WWOX: variants seen among roughly 807,000 people sequenced by gnomAD.
WWOX encodes the protein WW domain-containing oxidoreductase.
In WWOX, 69 loss-of-function variants were observed where a neutral mutation model predicts 46.2. That is an observed-to-expected ratio of 1.49 (90% CI 1.23 to 1.82). The LOEUF (loss-of-function observed/expected upper bound fraction) is 1.82, where lower values mean the gene tolerates loss of function less well. WWOX is among the 40% of genes most tolerant of loss of function. The probability of loss-of-function intolerance (pLI) is 0.00; values close to 1 mark genes in which losing one functional copy is unlikely to be tolerated. For synonymous variants in WWOX, 359 were observed against 202.6 expected, an observed-to-expected ratio of 1.77 and a Z score of -6.56; for missense variants, 919 against 542.6, an observed-to-expected ratio of 1.69 and a Z score of -6.89.
At chr16:78,684,054 AG>A (rs1207097102) in intron 8 of WWOX, among the ~76,000 whole-genome samples, 1 of 152,038 alleles carries the variant, frequency 6.6e-6, no homozygotes, top group Non-Finnish European at 1.5e-5. Context: ...TCTCCCTCAC[AG>A]TTTTGGCTCG....
chr16:78,166,624 T>A (rs557016495), intron 5 of WWOX: 1 of 151,988 alleles, frequency 6.6e-6, no homozygotes, highest in East Asian at 1.9e-4. Context: ...AGTGGCACAA[T>A]CTCGACTCAC....
chr16:78,954,666 G>A (rs1464415302), intron 8 of WWOX, among the ~76,000 whole-genome samples: 3 of 152,252 alleles, frequency 2.0e-5, no homozygotes, highest in African/African-American at 7.2e-5. Flanking sequence ...TAGAAGCATA[G>A]GCACATAAAT....
intron 4 of WWOX, among the ~76,000 whole-genome samples, chr16:78,136,724 A>G (rs2033802938): frequency 6.6e-6 from 1 of 152,200 alleles, no homozygotes; most frequent in African/African-American, 2.4e-5. Context: ...TCCCTTTCCC[A>G]AGTTACTACC....
At chr16:78,959,187 G>A (rs555170863) in intron 8 of WWOX, among the ~76,000 whole-genome samples, 8 of 152,270 alleles carry the variant, frequency 5.3e-5, no homozygotes, top group African/African-American at 1.7e-4. Context: ...CCATCTCTAC[G>A]TCAAGGTTCT....
At chr16:78,796,826 TC>T in intron 8 of WWOX, among the ~76,000 whole-genome samples, 2 of 125,378 alleles carry the variant, frequency 1.6e-5, no homozygotes, top group African/African-American at 3.2e-5. Flanking sequence ...TTTATCTTCT[TC>T]TTTTTTTTTT....
At chr16:78,434,786 C>T (rs1222598354) in intron 8 of WWOX, among the ~76,000 whole-genome samples, 1 of 152,086 alleles carries the variant, frequency 6.6e-6, no homozygotes, top group Non-Finnish European at 1.5e-5. Context: ...ATATAACCAT[C>T]CTGCCATTTG....
At chr16:78,494,525 A>G (rs1213592555) in intron 8 of WWOX, among the ~76,000 whole-genome samples, 1 of 152,186 alleles carries the variant, frequency 6.6e-6, no homozygotes, top group Non-Finnish European at 1.5e-5. Context: ...GGCAACAAAT[A>G]AAACTTCTGT....
chr16:78,397,373 T>A (rs886174581), intron 6 of WWOX, among the ~76,000 whole-genome samples: 3 of 152,206 alleles, frequency 2.0e-5, no homozygotes, highest in African/African-American at 4.8e-5. Flanking sequence ...TTTATCCTTA[T>A]AATGACTCTA....
At chr16:78,867,502 GTGTGTGTGTA>G (rs1443010116) in intron 8 of WWOX, among the ~76,000 whole-genome samples, 2 of 151,494 alleles carry the variant, frequency 1.3e-5, no homozygotes, top group Non-Finnish European at 2.9e-5. Context: ...GTGTGTGTGT[GTGTGTGTGTA>G]TGTGTGTGTG....
At chr16:78,980,504 T>C (rs773517665) in intron 8 of WWOX, among the ~76,000 whole-genome samples, 8 of 152,242 alleles carry the variant, frequency 5.3e-5, no homozygotes, top group Non-Finnish European at 5.9e-5. Context: ...ATTGACTGCC[T>C]GGCAATCCAG....
intron 8 of WWOX, among the ~76,000 whole-genome samples, chr16:78,982,985 G>A (rs570778900): frequency 6.6e-6 from 1 of 152,304 alleles, no homozygotes; most frequent in East Asian, 1.9e-4. Flanking sequence ...CTTTGGGGCT[G>A]TGGTTTCCTT....
chr16:78,415,341 G>T (rs1355422888), intron 6 of WWOX, among the ~76,000 whole-genome samples: 1 of 151,988 alleles, frequency 6.6e-6, no homozygotes, highest in East Asian at 1.9e-4. Context: ...ACCAAATGTC[G>T]TTGCCATCTT....
chr16:78,933,265 C>G (rs559727210), intron 8 of WWOX, among the ~76,000 whole-genome samples: 8 of 152,284 alleles, frequency 5.3e-5, no homozygotes, highest in Non-Finnish European at 1.0e-4. Context: ...TTGGCAAAAC[C>G]CAGTGTCTAC....
intron 8 of WWOX, among the ~76,000 whole-genome samples, chr16:78,538,849 T>A (rs1235924185): frequency 6.6e-6 from 1 of 152,248 alleles, no homozygotes; most frequent in African/African-American, 2.4e-5. Flanking sequence ...TGTTTATTTC[T>A]GTTCATTTGG....
chr16:79,183,006 C>T (rs968271501), intron 8 of WWOX, among the ~76,000 whole-genome samples: 4 of 152,176 alleles, frequency 2.6e-5, no homozygotes, highest in African/African-American at 9.7e-5. Context: ...AGTGGTGGCC[C>T]TCGTCTGACA....
chr16:79,172,660 GT>G (rs542305406), intron 8 of WWOX, among the ~76,000 whole-genome samples: 6 of 152,114 alleles, frequency 3.9e-5, no homozygotes, highest in Admixed American at 2.6e-4. Context: ...ACTGTGAGGT[GT>G]TTTTTTGTTT....
intron 4 of WWOX, among the ~76,000 whole-genome samples, chr16:78,124,553 C>G (rs777786764): frequency 6.6e-6 from 1 of 152,084 alleles, no homozygotes; most frequent in Non-Finnish European, 1.5e-5. Context: ...GTAGATGGAT[C>G]AAAAAGCAGG....
chr16:79,030,657 A>G (rs1009274431), intron 8 of WWOX, among the ~76,000 whole-genome samples: 2 of 152,238 alleles, frequency 1.3e-5, no homozygotes, highest in Non-Finnish European at 2.9e-5. Flanking sequence ...GCTTTGAAGC[A>G]TCATGCACTT....
chr16:78,483,283 T>A (rs967413989), intron 8 of WWOX, among the ~76,000 whole-genome samples: 4 of 152,218 alleles, frequency 2.6e-5, no homozygotes, highest in Non-Finnish European at 5.9e-5. Context: ...AAGTTGCATG[T>A]CACTTTACTT....
Sources: gnomAD v4.1 joint callset for allele counts (sites outside exome capture counted in the v4.1 genomes callset) on GRCh38, gnomAD v4.1.1 for gene constraint, MANE v1.5 for transcripts, NCBI Gene and HGNC (gene_info 2026-07-23, HGNC 2026-07-21) for gene names.